Variants in GBF1 observed in about 807,000 individuals in gnomAD.
GBF1 encodes golgi brefeldin A resistant guanine nucleotide exchange factor 1.
Under a neutral mutation model 210.5 loss-of-function variants are expected in GBF1, and 114 were observed. The observed-to-expected ratio is 0.54, with a 90% CI of 0.47 to 0.63. The LOEUF is 0.63. Ranked by LOEUF, GBF1 falls within the 30% of genes least tolerant of loss-of-function variation. The pLI, the probability that GBF1 is intolerant of heterozygous loss-of-function variation, is 0.00. For synonymous variants in GBF1, 850 were observed against 889.2 expected, an observed-to-expected ratio of 0.96 and a Z score of 0.78; for missense variants, 1,851 against 2,357.7, an observed-to-expected ratio of 0.79 and a Z score of 4.45.
At chr10:102,315,984 G>C (rs1312031091) in intron 3 of GBF1, among the ~76,000 whole-genome samples, 1 of 151,428 alleles carries the variant, frequency 6.6e-6, no homozygotes, top group Non-Finnish European at 1.5e-5. Context: ...ACTAGTAATA[G>C]TACTAATATA....
intron 1 of GBF1, among the ~76,000 whole-genome samples, chr10:102,251,461 A>G (rs2071516809): frequency 6.6e-6 from 1 of 152,202 alleles, no homozygotes; most frequent in African/African-American, 2.4e-5. Flanking sequence ...TAAATAAATC[A>G]TGGTCTTTCC....
chr10:102,323,296 T>C (rs1384731450), intron 3 of GBF1, among the ~76,000 whole-genome samples: 2 of 149,856 alleles, frequency 1.3e-5, no homozygotes, highest in Non-Finnish European at 3.0e-5. Flanking sequence ...TTTTAGTGCC[T>C]GGGCATGGAA....
At chr10:102,369,128 G>A in intron 23 of GBF1, 83 bp from the exon 24 acceptor site, 1 of 1,022,452 alleles carries the variant, frequency 9.8e-7, no homozygotes, top group Non-Finnish European at 1.5e-6. Context: ...GGACCTGAGG[G>A]AACCATCATA....
chr10:102,338,532 C>T (rs2057937538), intron 3 of GBF1, among the ~76,000 whole-genome samples: 1 of 152,060 alleles, frequency 6.6e-6, no homozygotes. Flanking sequence ...GTGTGAGCCA[C>T]TGCGCCCAGC....
At chr10:102,359,863 A>G (rs2059498440) in intron 11 of GBF1, among the ~76,000 whole-genome samples, 1 of 150,796 alleles carries the variant, frequency 6.6e-6, no homozygotes, top group African/African-American at 2.4e-5. Flanking sequence ...TCCTGGGTTC[A>G]AGCAATCCTC....
At chr10:102,370,349 T>G in intron 27 of GBF1, 35 bp from the exon 28 acceptor site, 1 of 1,541,852 alleles carries the variant, frequency 6.5e-7, no homozygotes, top group African/African-American at 1.4e-5. Context: ...TGGCTTCTTT[T>G]CCATGCCTAC....
At chr10:102,322,592 G>C (rs2056500302) in intron 3 of GBF1, among the ~76,000 whole-genome samples, 1 of 151,710 alleles carries the variant, frequency 6.6e-6, no homozygotes, top group Admixed American at 6.6e-5. Flanking sequence ...ACTAGTGTTA[G>C]TAGTTCTCCT....
Position 102,360,181 on chromosome 10 carries a change from C to T in GBF1, c.1181-3C>T. The T allele has an allele frequency of 3.1e-6, 5 of 1,604,252 alleles. No individual in the cohort carries two copies. The highest frequency in any genetic ancestry group is 4.3e-6 in the Non-Finnish European group (5 of 1,171,006). On this transcript the variant is annotated splice_polypyrimidine_tract_variant and splice_region_variant and intron_variant, in intron 11 of 39. Transcript: ENST00000369983. ...GTCTCACTCTCCTCCTGGCCTTCCC[C>T]AGGCACAGCTTTGGTCCCCTATGGT... is the stretch of plus-strand genomic sequence containing the variant.
chr10:102,380,193 G>C, intron 36 of GBF1, 56 bp from the exon 37 acceptor site: 1 of 1,130,692 alleles, frequency 8.8e-7, no homozygotes, highest in Non-Finnish European at 1.4e-6. Context: ...CAGCCTCAGA[G>C]AGGGGTCCAG....
intron 3 of GBF1, among the ~76,000 whole-genome samples, chr10:102,325,927 G>A (rs2056859237): frequency 6.6e-6 from 1 of 152,190 alleles, no homozygotes; most frequent in African/African-American, 2.4e-5. Flanking sequence ...TGGGATTATA[G>A]GTGTGAGCCA....
At chr10:102,281,600 TCATA>T (rs2075490368) in intron 3 of GBF1, among the ~76,000 whole-genome samples, 1 of 149,638 alleles carries the variant, frequency 6.7e-6, no homozygotes, top group South Asian at 2.1e-4. Flanking sequence ...TAACTTAGAC[TCATA>T]CATAATCTAT....
Position 102,367,481 on chromosome 10 carries a change from T to C in GBF1, c.2563T>C (p.Phe855Leu). ...AAACTTACTGGCCTGTCTCTAGGAGTTTCGCAAAAATCTGAAAGGTGTGAA... is the reference window on the plus strand; with the variant it reads ...AAACTTACTGGCCTGTCTCTAGGAGCTTCGCAAAAATCTGAAAGGTGTGAA... ...KQNAPMTLEEFRKNLKGVNGG... is the reference protein window; with the variant it reads ...KQNAPMTLEELRKNLKGVNGG... The change falls in exon 21 of 40, where the codon TTT (phenylalanine) becomes CTT (leucine). Residue 855 changes from phenylalanine to leucine, a missense_variant. Coordinates refer to ENST00000369983, the MANE Select transcript of GBF1 (RefSeq NM_001377137.1). The C allele has an allele frequency of 6.2e-7, 1 of 1,604,290 alleles. No homozygotes were observed. Among genetic ancestry groups the C allele is most frequent in the Non-Finnish European group, 8.5e-7 (1 of 1,171,196 alleles).
At chr10:102,353,532 G>T in intron 7 of GBF1, 68 bp from the exon 8 acceptor site, 1 of 1,088,738 alleles carries the variant, frequency 9.2e-7, no homozygotes, top group Non-Finnish European at 1.4e-6. Context: ...CCTTTGGTTT[G>T]TGGCTGGCAT....
At chr10:102,380,003 C>T (rs767407307) in intron 36 of GBF1, 49 bp downstream of exon 36, 6 of 1,300,500 alleles carry the variant, frequency 4.6e-6, no homozygotes, top group Non-Finnish European at 6.6e-6. Flanking sequence ...CCTGCCTTTT[C>T]CCGAGGAGGG....
At chr10:102,318,362 A>AT (rs1042697036) in intron 3 of GBF1, among the ~76,000 whole-genome samples, 200 of 149,428 alleles carry the variant, frequency 1.3e-3, no homozygotes, top group African/African-American at 4.7e-3. Flanking sequence ...AATTTTTGTA[A>AT]TTTTTTTTTG....
chr10:102,319,743 T>A (rs2056219781), intron 3 of GBF1, among the ~76,000 whole-genome samples: 1 of 150,262 alleles, frequency 6.7e-6, no homozygotes, highest in Admixed American at 6.6e-5. Context: ...TTTTTTTTTT[T>A]TTGAGACAGA....
chr10:102,378,799 C>G (rs2135356453), intron 33 of GBF1, among the ~76,000 whole-genome samples: 1 of 151,890 alleles, frequency 6.6e-6, no homozygotes, highest in East Asian at 1.9e-4. Flanking sequence ...CTGGCTGTGG[C>G]AGCGCACAGC....
intron 3 of GBF1, among the ~76,000 whole-genome samples, chr10:102,295,509 G>A (rs964010272): frequency 6.6e-6 from 1 of 152,080 alleles, no homozygotes; most frequent in Admixed American, 6.6e-5. Context: ...TAGATGTGAT[G>A]ATAATGATAT....
At chr10:102,365,370 T>A in intron 17 of GBF1, 27 bp from the exon 18 acceptor site, 1 of 1,584,512 alleles carries the variant, frequency 6.3e-7, no homozygotes, top group South Asian at 1.1e-5. Flanking sequence ...CAAAGTAGCT[T>A]CTATACCTCT....
Sources: allele counts gnomAD v4.1 joint callset (sites outside exome capture counted in the v4.1 genomes callset), GRCh38; gene constraint gnomAD v4.1.1; transcripts MANE v1.5; gene names NCBI Gene and HGNC (gene_info 2026-07-23, HGNC 2026-07-21).